MYO18B: variants seen among roughly 807,000 people sequenced by gnomAD.
MYO18B encodes myosin XVIIIB.
In MYO18B, 204 loss-of-function variants were observed where a neutral mutation model predicts 273.0. The ratio of observed to expected loss-of-function variants is 0.75; its 90% CI spans 0.67 to 0.84. The LOEUF is 0.84. Among genes scored for constraint, MYO18B ranks in the 40% least tolerant of loss-of-function variants. The pLI is 0.00. For synonymous variants in MYO18B, 1,330 were observed against 1,305.7 expected, an observed-to-expected ratio of 1.02 and a Z score of -0.40; for missense variants, 3,212 against 3,287.6, an observed-to-expected ratio of 0.98 and a Z score of 0.56.
At chr22:25,934,286 A>C (rs1193211588) in intron 34 of MYO18B, among the ~76,000 whole-genome samples, 1 of 151,990 alleles carries the variant, frequency 6.6e-6, no homozygotes, top group Non-Finnish European at 1.5e-5. Context: ...CTTTTTATGA[A>C]GAGAAATTCT....
chr22:26,016,821 G>C (rs1337250173), intron 42 of MYO18B, among the ~76,000 whole-genome samples: 1 of 152,208 alleles, frequency 6.6e-6, no homozygotes, highest in African/African-American at 2.4e-5. Context: ...GAGGCTGTGG[G>C]AGCCAGGAGA....
chr22:25,982,514 A>C (rs577149148), intron 39 of MYO18B, among the ~76,000 whole-genome samples: 1 of 152,330 alleles, frequency 6.6e-6, no homozygotes, highest in East Asian at 1.9e-4. Context: ...GATGAGTCCA[A>C]AGGCATTCAA....
intron 1 of MYO18B, among the ~76,000 whole-genome samples, chr22:25,750,964 T>C (rs992182382): frequency 1.3e-5 from 2 of 152,210 alleles, no homozygotes; most frequent in African/African-American, 4.8e-5. Flanking sequence ...AAAGTGGCTG[T>C]GAGCTCAGCC....
chr22:25,857,281 G>A (rs958599125), intron 21 of MYO18B, among the ~76,000 whole-genome samples: 4 of 152,136 alleles, frequency 2.6e-5, no homozygotes, highest in African/African-American at 7.2e-5. Context: ...CTATCTGATC[G>A]ATGTGAGGAA....
intron 42 of MYO18B, among the ~76,000 whole-genome samples, chr22:26,024,372 G>A (rs28495159): frequency 0.014 from 2,206 of 152,156 alleles, 143 homozygotes; most frequent in Admixed American, 0.11. Flanking sequence ...GGAGTACTCC[G>A]GGTAGAACCA....
At chr22:25,896,944 C>G (rs1040479321) in intron 28 of MYO18B, 1 of 152,228 alleles carries the variant, frequency 6.6e-6, no homozygotes, top group African/African-American at 2.4e-5. Context: ...CTGATTCCAG[C>G]CACACTCAGT....
rs1050661470 is a variant in MYO18B, at chr22:25,921,159, C to T, written c.5365-98C>T. The T allele has an allele frequency of 5.6e-6, 7 of 1,245,952 alleles. No individual in the cohort carries two copies. In the African/African-American group the frequency reaches 1.1e-4, roughly 19 times the overall value. 77.2% of individuals were successfully genotyped at this position (1,245,952 alleles called of 1,614,324 possible). A position where few individuals can be genotyped will look rare whatever the true frequency, so the allele number is the denominator to read the frequency against. On this transcript the variant is annotated intron_variant, in intron 33 of 43. Transcript: ENST00000335473. ...GTCCAAGGTCACACGGTGTGAGTGG[C>T]AGAGGCAGGATTTAAACCAGGGAAC...
chr22:25,896,563 C>T (rs953369950), intron 28 of MYO18B: 5 of 152,086 alleles, frequency 3.3e-5, no homozygotes, highest in Non-Finnish European at 7.4e-5. Flanking sequence ...CTGAAATTTC[C>T]TTCTTTCTTG....
chr22:25,958,788 A>G (rs1176978487), intron 39 of MYO18B, among the ~76,000 whole-genome samples: 1 of 152,076 alleles, frequency 6.6e-6, no homozygotes, highest in African/African-American at 2.4e-5. Flanking sequence ...AGATCATCCC[A>G]TCTGTTCATG....
chr22:25,763,878 G>T (rs2086414033), intron 3 of MYO18B, among the ~76,000 whole-genome samples: 1 of 152,194 alleles, frequency 6.6e-6, no homozygotes, highest in Admixed American at 6.5e-5. Flanking sequence ...CTAGATACTG[G>T]CTAAGATGTA....
intron 42 of MYO18B, among the ~76,000 whole-genome samples, chr22:26,026,087 C>G (rs140863246): frequency 6.6e-6 from 1 of 152,316 alleles, no homozygotes; most frequent in East Asian, 1.9e-4. Context: ...ATGTCCCCTT[C>G]CGGTCTTGAA....
At chr22:25,799,518 A>G (rs1056383677) in intron 12 of MYO18B, among the ~76,000 whole-genome samples, 4 of 152,156 alleles carry the variant, frequency 2.6e-5, no homozygotes, top group African/African-American at 9.7e-5. Context: ...TTGGGCCCAG[A>G]GCATAGAACT....
Position 25,846,125 on chromosome 22 carries a change from G to A in MYO18B, c.3394G>A (p.Ala1132Thr). The A allele has an allele frequency of 1.9e-6, 3 of 1,590,190 alleles. No homozygotes were observed. Among genetic ancestry groups the A allele is most frequent in the Non-Finnish European group, 2.6e-6 (3 of 1,170,630 alleles). The change falls in exon 19 of 44, where the codon GCC (alanine) becomes ACC (threonine). Residue 1132 changes from alanine to threonine, a missense_variant. Transcript: ENST00000335473. ...AGAGGAGCTGCGGAGTCTATTCCAG[G>A]CCCGGGCCAAGCTGCCTCCTGTGTG... Reference protein sequence around the residue: ...KREELRSLFQARAKLPPVCRA... With the variant: ...KREELRSLFQTRAKLPPVCRA...
intron 20 of MYO18B, among the ~76,000 whole-genome samples, chr22:25,849,353 T>G (rs2090353104): frequency 6.6e-6 from 1 of 152,232 alleles, no homozygotes; most frequent in African/African-American, 2.4e-5. Flanking sequence ...CTAGACCTGG[T>G]TCATTTCCTC....
intron 22 of MYO18B, among the ~76,000 whole-genome samples, chr22:25,871,763 C>T (rs1026818640): frequency 2.0e-5 from 3 of 151,852 alleles, no homozygotes; most frequent in Admixed American, 6.6e-5. Flanking sequence ...GCCTTCTGGT[C>T]GGCAATATGC....
intron 42 of MYO18B, among the ~76,000 whole-genome samples, chr22:26,016,855 G>A (rs949962312): frequency 2.0e-5 from 3 of 152,316 alleles, no homozygotes; most frequent in East Asian, 3.9e-4. Flanking sequence ...GCCAGAGGGC[G>A]GAAAGGCTTC....
chr22:25,991,277 G>A (rs576921009), intron 39 of MYO18B, among the ~76,000 whole-genome samples: 103 of 152,294 alleles, frequency 6.8e-4, no homozygotes, highest in Admixed American at 2.0e-3. Flanking sequence ...ATTACCAGGA[G>A]GTTAGATGCT....
At chr22:25,834,809 G>C (rs1218680263) in intron 16 of MYO18B, among the ~76,000 whole-genome samples, 1 of 152,128 alleles carries the variant, frequency 6.6e-6, no homozygotes, top group African/African-American at 2.4e-5. Flanking sequence ...AATGTTCTTT[G>C]AGTGCTTTTT....
chr22:25,792,634 A>G (rs924028404), intron 11 of MYO18B, among the ~76,000 whole-genome samples: 9 of 151,408 alleles, frequency 5.9e-5, no homozygotes, highest in African/African-American at 1.9e-4. Flanking sequence ...AGCTGGGACT[A>G]TAGGTGCGCG....
Sources: allele counts gnomAD v4.1 joint callset (sites outside exome capture counted in the v4.1 genomes callset), GRCh38; gene constraint gnomAD v4.1.1; transcripts MANE v1.5; gene names NCBI Gene and HGNC (gene_info 2026-07-23, HGNC 2026-07-21).